Variants in MROH9 observed in about 807,000 individuals in gnomAD.
MROH9 encodes maestro heat-like repeat-containing protein family member 9.
In MROH9, 92 loss-of-function variants were observed where a neutral mutation model predicts 98.2. The ratio of observed to expected loss-of-function variants is 0.94; its 90% CI spans 0.79 to 1.11. MROH9 has a LOEUF of 1.11. MROH9 is among the 50% of genes most tolerant of loss of function. The pLI, the probability that MROH9 is intolerant of heterozygous loss-of-function variation, is 0.00. For synonymous variants in MROH9, 397 were observed against 368.9 expected, an observed-to-expected ratio of 1.08 and a Z score of -0.87; for missense variants, 1,057 against 1,014.8, an observed-to-expected ratio of 1.04 and a Z score of -0.57.
chr1:171,028,624 G>T (rs1357747688), intron 20 of MROH9, among the ~76,000 whole-genome samples: 2 of 152,148 alleles, frequency 1.3e-5, no homozygotes, highest in Admixed American at 1.3e-4. Context: ...GGGCAGTATG[G>T]CCATTTTCAC....
chr1:170,999,706 C>A (rs1277818101), intron 15 of MROH9, among the ~76,000 whole-genome samples: 1 of 152,048 alleles, frequency 6.6e-6, no homozygotes, highest in Admixed American at 6.6e-5. Flanking sequence ...AGTGAGATTG[C>A]TGGATCAAAT....
At chr1:171,037,518 A>T (rs1220034513) in intron 20 of MROH9, among the ~76,000 whole-genome samples, 1 of 152,064 alleles carries the variant, frequency 6.6e-6, no homozygotes, top group African/African-American at 2.4e-5. Context: ...AAAATTTTAA[A>T]AGTGTCAATT....
At position 170,994,908 on chromosome 1, in the gene MROH9, A is replaced by T. The variant is rs557063711; in HGVS notation, c.1195-481A>T. On this transcript the variant is annotated intron_variant, in intron 12 of 21. Transcript: ENST00000367759. ...GGCAGTTGGGAATGTGTCTTTTAAG[A>T]TTATAGCCCAGACCCATATTTCTGA... Among the ~76,000 whole-genome samples the T allele has an allele frequency of 6.5e-4, 99 of 152,052 alleles. 3 individuals carry two copies. Among genetic ancestry groups the T allele is most frequent in the African/African-American group, 2.3e-3 (94 of 41,526 alleles).
chr1:170,952,916 C>G (rs1649611906), intron 3 of MROH9, among the ~76,000 whole-genome samples: 1 of 152,000 alleles, frequency 6.6e-6, no homozygotes, highest in Non-Finnish European at 1.5e-5. Context: ...TCAGACAAAT[C>G]TTTACTACAG....
chr1:170,984,474 C>T (rs1651054314), intron 9 of MROH9, among the ~76,000 whole-genome samples: 3 of 152,178 alleles, frequency 2.0e-5, no homozygotes, highest in Admixed American at 2.0e-4. Flanking sequence ...GCCTGGATGA[C>T]TATGTTCATT....
chr1:170,958,429 CT>C (rs374865486), intron 3 of MROH9, 31 bp from the exon 4 acceptor site: 218,617 of 954,558 alleles, frequency 0.23, 1,202 homozygotes, highest in Non-Finnish European at 0.24. Flanking sequence ...ATTAATTCTT[CT>C]TTTTTTTTTT....
rs1649624795 is a variant in MROH9, at chr1:170,953,261, T to A, written c.73-5200T>A. Reference sequence around the variant, plus strand: ...GTATTGTTATTGAGTGTAAAATGTATGATTTGCAAATATATTCTCTCAGTA... The same window carrying A: ...GTATTGTTATTGAGTGTAAAATGTAAGATTTGCAAATATATTCTCTCAGTA... On this transcript the variant is annotated intron_variant, in intron 3 of 21. Coordinates refer to ENST00000367759, the MANE Select transcript of MROH9 (RefSeq NM_001163629.2). 2.0e-5 allele frequency among the ~76,000 whole-genome samples: 3 copies of A among 152,134 alleles called. No homozygotes were observed. In the South Asian group the frequency reaches 6.2e-4, roughly 31 times the overall value.
chr1:170,996,402 A>G (rs1651566464), intron 13 of MROH9, 105 bp from the exon 14 acceptor site: 5 of 1,308,310 alleles, frequency 3.8e-6, no homozygotes, highest in Non-Finnish European at 5.3e-6. Context: ...CCCCTTTCTC[A>G]AAACCTATAT....
chr1:171,012,850 G>A (rs143159296), intron 15 of MROH9, among the ~76,000 whole-genome samples: 21 of 152,234 alleles, frequency 1.4e-4, no homozygotes, highest in African/African-American at 5.1e-4. Context: ...ATATTTGACT[G>A]TCAGTTATTA....
intron 3 of MROH9, among the ~76,000 whole-genome samples, chr1:170,952,757 AT>A: frequency 6.7e-6 from 1 of 150,186 alleles, no homozygotes; most frequent in African/African-American, 2.4e-5. Context: ...AATAAAAAAT[AT>A]ATATATATAT....
rs188202332 is a variant in MROH9, at chr1:170,988,997, T to C, written c.880-858T>C. ...TTTCTTGCTCACCTTGGAACCTACG[T>C]GGTTGGAAAAGTACCCTGCACTTTT... On this transcript the variant is annotated intron_variant, in intron 10 of 21. Transcript: ENST00000367759. Among the ~76,000 whole-genome samples the C allele has an allele frequency of 3.5e-3, 526 of 152,284 alleles. 2 individuals carry two copies. Among genetic ancestry groups the C allele is most frequent in the Non-Finnish European group, 6.5e-3 (444 of 68,008 alleles).
In MROH9 at chr1:170,939,491, T is replaced by C. The variant is rs1649033414; in HGVS notation, c.-38+3904T>C. Among the ~76,000 whole-genome samples the C allele has an allele frequency of 2.6e-5, 4 of 152,354 alleles. No homozygotes were observed. In the Middle Eastern group the frequency reaches 0.01, roughly 389 times the overall value. ...AGAACCAACTGTAAACCAGGCTGTT[T>C]TCTTCCTCTGTCAATTGATCATAGG... is the stretch of plus-strand genomic sequence containing the variant. On this transcript the variant is annotated intron_variant, in intron 1 of 21. Coordinates refer to ENST00000367759, the MANE Select transcript of MROH9 (RefSeq NM_001163629.2).
intron 20 of MROH9, among the ~76,000 whole-genome samples, chr1:171,046,174 CTA>C (rs1653466865): frequency 6.6e-6 from 1 of 152,038 alleles, no homozygotes; most frequent in Non-Finnish European, 1.5e-5. Flanking sequence ...TATTTTCACT[CTA>C]TGTGTGTCTT....
intron 7 of MROH9, among the ~76,000 whole-genome samples, chr1:170,966,422 A>G (rs1380646799): frequency 3.9e-5 from 6 of 152,106 alleles, no homozygotes; most frequent in Non-Finnish European, 5.9e-5. Flanking sequence ...AGCGATTTGT[A>G]AACATACTCT....
rs1411935628 is a variant in MROH9, at chr1:170,944,155, A to C, written c.-37-1365A>C. Among the ~76,000 whole-genome samples the C allele has an allele frequency of 2.6e-5, 4 of 152,062 alleles. No individual in the cohort carries two copies. In the East Asian group the frequency reaches 7.7e-4, roughly 29 times the overall value. The stretch of plus-strand genomic sequence containing the variant: ...ATAAATCAACTAAAATTGTATGAGG[A>C]GTGACAGAGAAGAGAAAATAGAAAT... On this transcript the variant is annotated intron_variant, in intron 1 of 21. Coordinates refer to ENST00000367759, the MANE Select transcript of MROH9 (RefSeq NM_001163629.2).
chr1:171,063,393 C>G, intron 21 of MROH9, among the ~76,000 whole-genome samples: 1 of 151,792 alleles, frequency 6.6e-6, no homozygotes, highest in East Asian at 1.9e-4. Flanking sequence ...AGTGGGACGA[C>G]AGGCACATGC....
intron 15 of MROH9, among the ~76,000 whole-genome samples, chr1:171,006,334 T>C (rs1256482886): frequency 6.6e-6 from 1 of 152,220 alleles, no homozygotes; most frequent in African/African-American, 2.4e-5. Context: ...TCTTTGTCTT[T>C]TCTGCTTTCA....
chr1:171,032,691 G>A (rs1355658222), intron 20 of MROH9, among the ~76,000 whole-genome samples: 1 of 152,166 alleles, frequency 6.6e-6, no homozygotes, highest in East Asian at 1.9e-4. Context: ...CCAATCTGAT[G>A]CTAGTAGGAT....
chr1:170,979,356 G>C (rs1650839734), intron 8 of MROH9, among the ~76,000 whole-genome samples: 1 of 152,156 alleles, frequency 6.6e-6, no homozygotes, highest in Non-Finnish European at 1.5e-5. Context: ...ATAGAACTGA[G>C]AGTCCAGAAA....
Sources: gnomAD v4.1 joint callset for allele counts (sites outside exome capture counted in the v4.1 genomes callset) on GRCh38, gnomAD v4.1.1 for gene constraint, MANE v1.5 for transcripts, NCBI Gene and HGNC (gene_info 2026-07-23, HGNC 2026-07-21) for gene names.